WBP1L: variants seen among roughly 807,000 people sequenced by gnomAD.
WBP1L encodes WW domain binding protein 1 like, also known as WW domain binding protein 1-like.
Under a neutral mutation model 33.7 loss-of-function variants are expected in WBP1L, and 17 were observed. The ratio of observed to expected loss-of-function variants is 0.50; its 90% CI spans 0.34 to 0.76. The LOEUF (loss-of-function observed/expected upper bound fraction) is 0.76, where lower values mean the gene tolerates loss of function less well. WBP1L is among the 30% of genes least tolerant of loss of function. The pLI is 0.01. For missense variants in WBP1L, 389 were observed against 469.4 expected (o/e 0.83, Z 1.58); for synonymous variants, 173 against 190.8 (o/e 0.91, Z 0.77).
chr10:102,749,026 G>C (rs563756284), intron 1 of WBP1L, among the ~76,000 whole-genome samples: 1 of 152,064 alleles, frequency 6.6e-6, no homozygotes, highest in East Asian at 1.9e-4. Flanking sequence ...GTGTGGAAGT[G>C]GGGGAGGCTC....
intron 1 of WBP1L, among the ~76,000 whole-genome samples, chr10:102,770,951 T>C (rs575181075): frequency 1.3e-5 from 2 of 152,376 alleles, no homozygotes; most frequent in South Asian, 4.1e-4. Flanking sequence ...AAATCCTTGC[T>C]GTCTCACAGC....
In WBP1L at chr10:102,814,844, G is replaced by A. The variant is rs373820375; in HGVS notation, c.*1513G>A. 4.4e-4 allele frequency: 67 copies of A among 152,548 alleles called. No individual in the cohort carries two copies. Among genetic ancestry groups the A allele is most frequent in the African/African-American group, 1.4e-3 (59 of 41,486 alleles). 9.4% of individuals were successfully genotyped at this position (152,548 alleles called of 1,614,324 possible). On this transcript the variant is annotated 3_prime_UTR_variant, in exon 4 of 4. Transcript: ENST00000448841. Reference sequence around the variant, plus strand: ...TCTTGAACGATGATGATATTCAGACGAAGCATTGATGTTATGGAAGAAAGA... The same window carrying A: ...TCTTGAACGATGATGATATTCAGACAAAGCATTGATGTTATGGAAGAAAGA...
rs887872217 is a variant in WBP1L at position 102,813,634 on chromosome 10, G to C, written c.*303G>C. 1.4e-5 allele frequency: 6 copies of C among 417,626 alleles called. No homozygotes were observed. Among genetic ancestry groups the C allele is most frequent in the Non-Finnish European group, 2.1e-5 (5 of 232,974 alleles). 25.9% of individuals were successfully genotyped at this position (417,626 alleles called of 1,614,324 possible). A position where few individuals can be genotyped will look rare whatever the true frequency, so the allele number is the denominator to read the frequency against. ...ATCTCACCTACCTGTTTGGGTCAGA[G>C]AGATGTGTTTTAAAAGCCCCCAAGG... On this transcript the variant is annotated 3_prime_UTR_variant, in exon 4 of 4. Transcript: ENST00000448841.
chr10:102,761,831 G>A (rs549182196), intron 1 of WBP1L, among the ~76,000 whole-genome samples: 1 of 151,752 alleles, frequency 6.6e-6, no homozygotes, highest in Non-Finnish European at 1.5e-5. Flanking sequence ...TTATAAGTGT[G>A]AGCCACTGTG....
At chr10:102,773,999 C>T (rs1054167976) in intron 1 of WBP1L, among the ~76,000 whole-genome samples, 3 of 152,106 alleles carry the variant, frequency 2.0e-5, no homozygotes, top group Non-Finnish European at 2.9e-5. Flanking sequence ...ATTCAGTGAG[C>T]GTGGAGTGAG....
chr10:102,771,187 AG>A (rs2134038464), intron 1 of WBP1L, among the ~76,000 whole-genome samples: 1 of 152,364 alleles, frequency 6.6e-6, no homozygotes, highest in African/African-American at 2.4e-5. Context: ...TGTTGCCAAA[AG>A]ATACTTAAAC....
chr10:102,812,432 G>T (rs1288459240), intron 3 of WBP1L, among the ~76,000 whole-genome samples, 163 bp from the exon 4 acceptor site: 1 of 152,132 alleles, frequency 6.6e-6, no homozygotes, highest in African/African-American at 2.4e-5. Context: ...CTGCAGAATT[G>T]CTCGCAGCTG....
chr10:102,769,433 G>A (rs922762920), intron 1 of WBP1L, among the ~76,000 whole-genome samples: 1 of 147,378 alleles, frequency 6.8e-6, no homozygotes, highest in Non-Finnish European at 1.5e-5. Context: ...GTGTGACTGT[G>A]TTTGTCCCTC....
chr10:102,750,965 A>G (rs757191471), intron 1 of WBP1L, among the ~76,000 whole-genome samples: 9 of 151,936 alleles, frequency 5.9e-5, no homozygotes, highest in Non-Finnish European at 1.0e-4. Context: ...ATGGTACACT[A>G]TGTGGTCTTT....
rs58622505 is a variant in WBP1L, at chr10:102,804,960, G to GAAAACAAAAC, written c.194-4913_194-4904dup. On this transcript the variant is annotated intron_variant, in intron 2 of 3. Coordinates refer to ENST00000448841, the MANE Select transcript of WBP1L (RefSeq NM_001083913.2). ...TGCATGAGATTTTCTTTAAAACGGG[G>GAAAACAAAAC]AAAACAAAACAAAACAAAACAAAAC... Among the ~76,000 whole-genome samples, 1,201 of 151,906 alleles carry GAAAACAAAAC rather than the reference G, an allele frequency of 7.9e-3. 16 individuals carry two copies. The highest frequency in any genetic ancestry group is 0.028 in the African/African-American group (1,160 of 41,356).
At chr10:102,793,654 G>A (rs185628316) in intron 1 of WBP1L, among the ~76,000 whole-genome samples, 1 of 152,286 alleles carries the variant, frequency 6.6e-6, no homozygotes, top group East Asian at 1.9e-4. Flanking sequence ...TTCATGCTCA[G>A]CAATAGTGGC....
rs1031703367 is a variant in WBP1L at position 102,744,354 on chromosome 10, C to T, written c.90+211C>T. ...TCAAGGAGGTGGCAGAGGCATGATG[C>T]CAAGCGAGTGAGGGGCGTTTGAGAC... On this transcript the variant is annotated intron_variant, in intron 1 of 3. Coordinates refer to ENST00000448841, the MANE Select transcript of WBP1L (RefSeq NM_001083913.2). The T allele has an allele frequency of 4.1e-6, 4 of 983,556 alleles. No individual in the cohort carries two copies. The South Asian group carries it at 1.9e-4, about 46-fold the overall frequency. 60.9% of individuals were successfully genotyped at this position (983,556 alleles called of 1,614,324 possible).
intron 1 of WBP1L, among the ~76,000 whole-genome samples, chr10:102,772,678 T>A (rs1335846117): frequency 7.1e-6 from 1 of 140,812 alleles, no homozygotes; most frequent in Non-Finnish European, 1.5e-5. Context: ...CAAGTGTCCC[T>A]CCCACCTCAG....
intron 1 of WBP1L, among the ~76,000 whole-genome samples, chr10:102,774,379 G>C (rs958593196): frequency 2.6e-5 from 4 of 152,138 alleles, no homozygotes; most frequent in African/African-American, 9.7e-5. Flanking sequence ...CCCAAACACC[G>C]GCAGCAGCAG....
At chr10:102,763,741 T>A (rs978848430) in intron 1 of WBP1L, among the ~76,000 whole-genome samples, 1 of 152,226 alleles carries the variant, frequency 6.6e-6, no homozygotes, top group Non-Finnish European at 1.5e-5. Context: ...CCAGCTGTAT[T>A]CCAGCTGATA....
chr10:102,746,763 A>G (rs760472760), intron 1 of WBP1L, among the ~76,000 whole-genome samples: 39 of 152,184 alleles, frequency 2.6e-4, no homozygotes, highest in Non-Finnish European at 4.9e-4. Context: ...TACTATACTC[A>G]TTCTGTATCG....
intron 1 of WBP1L, among the ~76,000 whole-genome samples, chr10:102,747,482 G>A (rs1249379037): frequency 6.6e-6 from 1 of 151,998 alleles, no homozygotes; most frequent in Non-Finnish European, 1.5e-5. Context: ...GTTTCTTTTG[G>A]TTGTTTAGAT....
chr10:102,745,131 G>C (rs889442634), intron 1 of WBP1L, among the ~76,000 whole-genome samples: 1 of 152,190 alleles, frequency 6.6e-6, no homozygotes, highest in Non-Finnish European at 1.5e-5. Context: ...TAGACGCATA[G>C]CGTAGTGGCA....
At chr10:102,807,728 T>G (rs935484379) in intron 2 of WBP1L, among the ~76,000 whole-genome samples, 1 of 152,086 alleles carries the variant, frequency 6.6e-6, no homozygotes, top group Non-Finnish European at 1.5e-5. Flanking sequence ...TCATCTGCTT[T>G]TTTTCATTTA....
Sources: gnomAD v4.1 joint callset for allele counts (sites outside exome capture counted in the v4.1 genomes callset) on GRCh38, gnomAD v4.1.1 for gene constraint, MANE v1.5 for transcripts, NCBI Gene and HGNC (gene_info 2026-07-23, HGNC 2026-07-21) for gene names.